CDC42BPA: variants seen among roughly 807,000 people sequenced by gnomAD.
CDC42BPA encodes the protein CDC42 binding protein kinase alpha.
A neutral mutation model predicts 223.5 loss-of-function variants in CDC42BPA; 80 were observed. That is an observed-to-expected ratio of 0.36 (90% CI 0.30 to 0.43). The LOEUF (loss-of-function observed/expected upper bound fraction) is 0.43. Among genes scored for constraint, CDC42BPA ranks in the 20% least tolerant of loss-of-function variants. CDC42BPA has a pLI of 1.00. For synonymous variants in CDC42BPA, 694 were observed against 718.6 expected (o/e 0.97, Z 0.55); for missense variants, 1,743 against 2,099.9 (o/e 0.83, Z 3.32).
At chr1:227,306,009 A>T (rs535562022) in intron 1 of CDC42BPA, among the ~76,000 whole-genome samples, 1 of 152,102 alleles carries the variant, frequency 6.6e-6, no homozygotes, top group Non-Finnish European at 1.5e-5. Flanking sequence ...AGAGAAGTAA[A>T]CAGGATCATA....
At chr1:227,048,115 C>G in intron 22 of CDC42BPA, 105 bp from the exon 23 acceptor site, 1 of 594,038 alleles carries the variant, frequency 1.7e-6, no homozygotes, top group African/African-American at 1.9e-5. Context: ...ATCAATAAGG[C>G]AAAAAGTTCT....
chr1:227,241,759 A>C (rs1288428425), intron 2 of CDC42BPA, among the ~76,000 whole-genome samples: 2 of 152,132 alleles, frequency 1.3e-5, no homozygotes, highest in African/African-American at 4.8e-5. Flanking sequence ...CCAAAACCTC[A>C]AGGAACTGTA....
chr1:227,112,800 T>C lies in CDC42BPA; in HGVS notation c.1761A>G (p.Thr587=), dbSNP rs1687147918. The C allele has an allele frequency of 6.2e-7, 1 of 1,614,052 alleles. No individual in the cohort carries two copies. Among genetic ancestry groups the C allele is most frequent in the Admixed American group, 1.7e-5 (1 of 59,998 alleles). ...GTTTCTGTTTTTGGGTGTGCAATTCTGTTAGCCGCTCATTGATCTCCATGA... is the reference window on the plus strand; with the variant it reads ...GTTTCTGTTTTTGGGTGTGCAATTCCGTTAGCCGCTCATTGATCTCCATGA... ...QEFMEINERL[T]ELHTQKQKLA... Residue 587 remains threonine, a synonymous_variant, in exon 13 of 37, where the codon ACA becomes ACG. Coordinates refer to ENST00000366766, the MANE Select transcript of CDC42BPA (RefSeq NM_001394014.1).
intron 11 of CDC42BPA, among the ~76,000 whole-genome samples, chr1:227,126,486 AGG>A (rs1689634711): frequency 1.6e-5 from 2 of 122,082 alleles, no homozygotes; most frequent in Non-Finnish European, 3.6e-5. Context: ...GAAGGAAGGA[AGG>A]AAGGAAGGAA....
chr1:227,145,740 A>C lies in CDC42BPA; in HGVS notation c.895-3T>G. 1 of 1,598,566 alleles carries C rather than the reference A, an allele frequency of 6.3e-7. No homozygotes were observed. ...TGGGCTGGAAACTGAAACCTCTCCT[A>C]AACAGAGAAAAACAGAAACAAAATA... On this transcript the variant is annotated splice_region_variant and splice_polypyrimidine_tract_variant and intron_variant, in intron 7 of 36. Coordinates refer to ENST00000366766, the MANE Select transcript of CDC42BPA (RefSeq NM_001394014.1).
chr1:227,252,041 A>T (rs1682103770), intron 2 of CDC42BPA, among the ~76,000 whole-genome samples: 1 of 152,106 alleles, frequency 6.6e-6, no homozygotes. Flanking sequence ...TATAGCTAAA[A>T]ATGCTTAGAG....
chr1:227,168,548 T>C (rs1572105107), intron 5 of CDC42BPA, among the ~76,000 whole-genome samples: 1 of 129,228 alleles, frequency 7.7e-6, no homozygotes, highest in Non-Finnish European at 1.6e-5. Flanking sequence ...CAGGCTGGAG[T>C]GCAATGGTGC....
Position 227,133,233 on chromosome 1 carries a change from C to T in CDC42BPA, c.1391-4002G>A, listed in dbSNP as rs529979123. Reference sequence around the variant, plus strand: ...GAGGTGGGGGGGTCAGCCCCCCGCCCGGCCAGCTGCCCCGTCTGGGAGGTG... The same window carrying T: ...GAGGTGGGGGGGTCAGCCCCCCGCCTGGCCAGCTGCCCCGTCTGGGAGGTG... On this transcript the variant is annotated intron_variant, in intron 10 of 36. Coordinates refer to ENST00000366766, the MANE Select transcript of CDC42BPA (RefSeq NM_001394014.1). Among the ~76,000 whole-genome samples, 41 of 150,400 alleles carry T rather than the reference C, an allele frequency of 2.7e-4. No individual in the cohort carries two copies. In the East Asian group the frequency reaches 5.4e-3, roughly 20 times the overall value.
chr1:227,074,502 C>T, intron 17 of CDC42BPA, 138 bp from the exon 18 acceptor site: 1 of 608,780 alleles, frequency 1.6e-6, no homozygotes, highest in Non-Finnish European at 2.8e-6. Flanking sequence ...AAAGGTCTAC[C>T]ATAGTATACT....
At chr1:227,315,360 C>T (rs1694202089) in intron 1 of CDC42BPA, among the ~76,000 whole-genome samples, 3 of 151,894 alleles carry the variant, frequency 2.0e-5, no homozygotes, top group South Asian at 4.1e-4. Flanking sequence ...AAACTACTTA[C>T]CTAAACTCTA....
chr1:227,098,189 C>G (rs1684370887), intron 15 of CDC42BPA, among the ~76,000 whole-genome samples: 1 of 152,026 alleles, frequency 6.6e-6, no homozygotes, highest in South Asian at 2.1e-4. Flanking sequence ...TTCTCACTGC[C>G]CTTTCTCTAT....
At chr1:227,227,288 T>C (rs527700587) in intron 2 of CDC42BPA, among the ~76,000 whole-genome samples, 1 of 152,236 alleles carries the variant, frequency 6.6e-6, no homozygotes, top group Admixed American at 6.5e-5. Context: ...AAGAAACAAG[T>C]AAAAAGTTTA....
intron 2 of CDC42BPA, among the ~76,000 whole-genome samples, chr1:227,253,506 G>A (rs547451561): frequency 9.1e-6 from 1 of 109,596 alleles, no homozygotes; most frequent in Admixed American, 8.2e-5. Context: ...TGAAGCAGGA[G>A]AATCACTTGA....
chr1:227,071,722 C>T (rs1458293912), intron 20 of CDC42BPA, among the ~76,000 whole-genome samples: 7 of 121,128 alleles, frequency 5.8e-5, no homozygotes, highest in African/African-American at 1.5e-4. Context: ...CCACCCCCCC[C>T]CCCCCAATTT....
intron 11 of CDC42BPA, among the ~76,000 whole-genome samples, chr1:227,122,687 T>C (rs1354425232): frequency 1.3e-5 from 2 of 152,116 alleles, no homozygotes; most frequent in Non-Finnish European, 2.9e-5. Flanking sequence ...GATTAAGAAG[T>C]GTTGGAAAAG....
chr1:227,316,027 A>C (rs1473509951), intron 1 of CDC42BPA, among the ~76,000 whole-genome samples: 1 of 151,156 alleles, frequency 6.6e-6, no homozygotes, highest in African/African-American at 2.4e-5. Flanking sequence ...TTACTTGGGA[A>C]CAGATATTTT....
At chr1:227,069,506 TTAATG>T (rs1677828640) in intron 21 of CDC42BPA, 2 of 250,214 alleles carry the variant, frequency 8.0e-6, no homozygotes, top group South Asian at 3.0e-4. Flanking sequence ...TGTTCTGCTC[TTAATG>T]TTTCTTAAGG....
In CDC42BPA at chr1:227,112,422, G is replaced by C. The variant is rs373889815; in HGVS notation, c.1891C>G (p.Leu631Val). 9.6e-6 allele frequency: 15 copies of C among 1,567,512 alleles called. No individual in the cohort carries two copies. Among genetic ancestry groups the C allele is most frequent in the Non-Finnish European group, 1.3e-5 (15 of 1,157,956 alleles). ...GCTAGAGCTTCTGTATGAACTTCCA[G>C]CTTTAAAACAGAATGAAAAATGCAG... ...LRRTERAKKE[L>V]EVHTEALAAE... The change falls in exon 14 of 37, where the codon CTG (leucine) becomes GTG (valine). Residue 631 changes from leucine to valine, a missense_variant and splice_region_variant. Around this residue, in one of 6 missense-constraint regions of CDC42BPA, gnomAD observed 464 missense variants for 488.0 expected, o/e 0.95. Coordinates refer to ENST00000366766, the MANE Select transcript of CDC42BPA (RefSeq NM_001394014.1).
At chr1:227,239,983 A>C (rs1452174692) in intron 2 of CDC42BPA, among the ~76,000 whole-genome samples, 1 of 152,158 alleles carries the variant, frequency 6.6e-6, no homozygotes, top group Non-Finnish European at 1.5e-5. Flanking sequence ...CCCTATTCTG[A>C]AAATCCTATT....
Sources: gnomAD v4.1 joint callset for allele counts (sites outside exome capture counted in the v4.1 genomes callset) on GRCh38, gnomAD v4.1.1 for gene constraint, gnomAD v4.1.1 regional missense constraint, MANE v1.5 for transcripts, NCBI Gene and HGNC (gene_info 2026-07-23, HGNC 2026-07-21) for gene names.